The following HOOK3 variants were observed in gnomAD, a reference collection of about 807,000 sequenced individuals.
HOOK3 encodes the protein hook microtubule tethering protein 3, also known as protein Hook homolog 3.
In HOOK3, 24 loss-of-function variants were observed where a neutral mutation model predicts 116.3. The observed-to-expected ratio is 0.21, with a 90% CI of 0.15 to 0.29. HOOK3 has a LOEUF of 0.29. Ranked by LOEUF, HOOK3 falls within the 10% of genes least tolerant of loss-of-function variation. HOOK3 has a pLI of 1.00. For synonymous variants in HOOK3, 275 were observed against 283.0 expected, an observed-to-expected ratio of 0.97 and a Z score of 0.28; for missense variants, 632 against 830.2, an observed-to-expected ratio of 0.76 and a Z score of 2.93.
Position 43,024,475 on chromosome 8 carries a change from A to G in HOOK3, c.*5977A>G, listed in dbSNP as rs1265796779. On this transcript the variant is annotated 3_prime_UTR_variant, in exon 22 of 22. Coordinates refer to ENST00000307602, the MANE Select transcript of HOOK3 (RefSeq NM_032410.4). ...TTCAATAAGGATAATCTCTCTTCCT[A>G]TCATTCTGTCAAAATGGCAGTTTCT... 1.1e-5 allele frequency: 2 copies of G among 186,388 alleles called. No homozygotes were observed. Among genetic ancestry groups the G allele is most frequent in the Non-Finnish European group, 2.3e-5 (2 of 88,214 alleles). 11.5% of individuals were successfully genotyped at this position (186,388 alleles called of 1,614,324 possible).
chr8:42,981,432 T>C (rs1408580723), intron 13 of HOOK3, among the ~76,000 whole-genome samples: 2 of 152,190 alleles, frequency 1.3e-5, no homozygotes, highest in African/African-American at 4.8e-5. Flanking sequence ...ACACCTTTCT[T>C]GTGTATGTAT....
chr8:43,027,374 C>A lies in HOOK3; in HGVS notation c.*8876C>A. On this transcript the variant is annotated 3_prime_UTR_variant, in exon 22 of 22. Coordinates refer to ENST00000307602, the MANE Select transcript of HOOK3 (RefSeq NM_032410.4). Reference sequence around the variant, plus strand: ...ACATAAATATGGACACAATTACTGCCAAAGAATAGAGAGATTTGCTTATGA... The same window carrying A: ...ACATAAATATGGACACAATTACTGCAAAAGAATAGAGAGATTTGCTTATGA... The A allele has an allele frequency of 2.5e-6, 1 of 393,260 alleles. No homozygotes were observed. Among genetic ancestry groups the A allele is most frequent in the Non-Finnish European group, 4.9e-6 (1 of 203,396 alleles). 24.4% of individuals were successfully genotyped at this position (393,260 alleles called of 1,614,324 possible). A position where few individuals can be genotyped will look rare whatever the true frequency, so the allele number is the denominator to read the frequency against.
rs185596137 is a variant in HOOK3, at chr8:42,952,455, A to G, written c.468+2000A>G. Reference sequence around the variant, plus strand: ...TATCCAGATTCTTTGTTGGGGTTTCATTACATGGGTATGTTTGATTGAATC... The same window carrying G: ...TATCCAGATTCTTTGTTGGGGTTTCGTTACATGGGTATGTTTGATTGAATC... On this transcript the variant is annotated intron_variant, in intron 6 of 21. Transcript: ENST00000307602. 3.3e-5 allele frequency among the ~76,000 whole-genome samples: 5 copies of G among 152,320 alleles called. No homozygotes were observed. In the East Asian group the frequency reaches 5.8e-4, roughly 18 times the overall value.
chr8:42,986,786 C>CAG lies in HOOK3; in HGVS notation c.1527_1528dup (p.Asn510ArgfsTer5). Reference sequence around the variant, plus strand: ...AATCTACGCAAGAATGAACTGGAGACAGAGAATAGGTAGAGTATTATAGGT... The same window carrying CAG: ...AATCTACGCAAGAATGAACTGGAGACAGAGAGAATAGGTAGAGTATTATAGGT... On this transcript the variant is annotated frameshift_variant, in exon 15 of 22. Transcript: ENST00000307602. LOFTEE classifies it high-confidence loss of function. The CAG allele has an allele frequency of 6.2e-7, 1 of 1,613,210 alleles. No homozygotes were observed. The highest frequency in any genetic ancestry group is 8.5e-7 in the Non-Finnish European group (1 of 1,179,652).
At chr8:42,903,546 G>A (rs923950905) in intron 1 of HOOK3, among the ~76,000 whole-genome samples, 12 of 149,802 alleles carry the variant, frequency 8.0e-5, no homozygotes, top group African/African-American at 2.9e-4. Flanking sequence ...GGGTTTCACC[G>A]TGTTGGCCAG....
At chr8:42,901,439 T>C (rs1430399955) in intron 1 of HOOK3, among the ~76,000 whole-genome samples, 4 of 152,212 alleles carry the variant, frequency 2.6e-5, no homozygotes, top group Non-Finnish European at 5.9e-5. Context: ...TTTTAAAGTG[T>C]ATAATTTTTT....
chr8:42,960,393 G>A (rs944167621), intron 8 of HOOK3, among the ~76,000 whole-genome samples: 1 of 152,182 alleles, frequency 6.6e-6, no homozygotes, highest in Non-Finnish European at 1.5e-5. Flanking sequence ...GAGAGGTTAT[G>A]AGAAGAGAAG....
In HOOK3 at chr8:43,018,724, A is replaced by G; in HGVS notation, c.*226A>G. 2.4e-6 allele frequency: 1 copy of G among 421,298 alleles called. No individual in the cohort carries two copies. Among genetic ancestry groups the G allele is most frequent in the Non-Finnish European group, 4.2e-6 (1 of 239,220 alleles). 26.1% of individuals were successfully genotyped at this position (421,298 alleles called of 1,614,324 possible). On this transcript the variant is annotated 3_prime_UTR_variant, in exon 22 of 22. Transcript: ENST00000307602. Reference sequence around the variant, plus strand: ...TATTTTTAATGTGCCAAAAATTTGTACATGTTCAATTAAAAATGTTGTATA... The same window carrying G: ...TATTTTTAATGTGCCAAAAATTTGTGCATGTTCAATTAAAAATGTTGTATA...
chr8:42,982,819 G>C (rs2130446973), intron 14 of HOOK3, 123 bp downstream of exon 14: 1 of 661,192 alleles, frequency 1.5e-6, no homozygotes, highest in African/African-American at 1.8e-5. Flanking sequence ...CATGAACTCA[G>C]TGTTAAATTT....
intron 9 of HOOK3, among the ~76,000 whole-genome samples, chr8:42,965,241 C>A (rs1808611442): frequency 6.6e-6 from 1 of 152,174 alleles, no homozygotes; most frequent in Non-Finnish European, 1.5e-5. Context: ...ATAAGCACAT[C>A]TTCGGGAAGG....
intron 8 of HOOK3, among the ~76,000 whole-genome samples, chr8:42,962,056 G>A (rs1249952994): frequency 6.6e-6 from 1 of 151,696 alleles, no homozygotes; most frequent in African/African-American, 2.4e-5. Flanking sequence ...CAAAGTGCTG[G>A]GATTACAGGT....
intron 1 of HOOK3, among the ~76,000 whole-genome samples, chr8:42,900,240 A>C (rs1807157600): frequency 6.6e-6 from 1 of 152,172 alleles, no homozygotes; most frequent in African/African-American, 2.4e-5. Context: ...CATGCTTGAA[A>C]ATTTCCACTG....
In HOOK3 at chr8:42,897,226, C is replaced by A. The variant is rs1807012655; in HGVS notation, c.57+38C>A. On this transcript the variant is annotated intron_variant, in intron 1 of 21. Coordinates refer to ENST00000307602, the MANE Select transcript of HOOK3 (RefSeq NM_032410.4). ...CGCGGGCCGGCGGGAAGACCCCCTCCCCCCGCCACCTACCGGGACCCTCCA... is the reference window on the plus strand; with the variant it reads ...CGCGGGCCGGCGGGAAGACCCCCTCACCCCGCCACCTACCGGGACCCTCCA... The A allele has an allele frequency of 8.3e-6, 10 of 1,208,826 alleles. No individual in the cohort carries two copies. The South Asian group carries it at 1.3e-4, about 15-fold the overall frequency. 74.9% of individuals were successfully genotyped at this position (1,208,826 alleles called of 1,614,324 possible). A position where few individuals can be genotyped will look rare whatever the true frequency, so the allele number is the denominator to read the frequency against.
chr8:42,999,170 G>A (rs545843356), intron 16 of HOOK3, among the ~76,000 whole-genome samples: 6 of 152,118 alleles, frequency 3.9e-5, no homozygotes, highest in Non-Finnish European at 5.9e-5. Context: ...ATAAATAAAA[G>A]CATTTATTCT....
intron 4 of HOOK3, among the ~76,000 whole-genome samples, chr8:42,931,245 C>G (rs899497511): frequency 3.9e-5 from 6 of 152,224 alleles, no homozygotes; most frequent in Admixed American, 1.3e-4. Flanking sequence ...TCTGTTACCT[C>G]CTTACAGAGA....
intron 17 of HOOK3, among the ~76,000 whole-genome samples, chr8:43,003,939 A>G (rs1237681544): frequency 6.6e-6 from 1 of 152,156 alleles, no homozygotes; most frequent in Non-Finnish European, 1.5e-5. Flanking sequence ...ACACCTGTAA[A>G]CACCCAATTT....
chr8:43,030,052 C>T lies in HOOK3; in HGVS notation c.*11554C>T, dbSNP rs1810001684. The T allele has an allele frequency of 4.7e-6, 1 of 211,878 alleles. No homozygotes were observed. The highest frequency in any genetic ancestry group is 9.5e-6 in the Non-Finnish European group (1 of 104,780). 13.1% of individuals were successfully genotyped at this position (211,878 alleles called of 1,614,324 possible). A position where few individuals can be genotyped will look rare whatever the true frequency, so the allele number is the denominator to read the frequency against. On this transcript the variant is annotated 3_prime_UTR_variant, in exon 22 of 22. Transcript: ENST00000307602. ...ATCCAAAAACAATGTCCACATCAGA[C>T]TTGGAACTTCTCACTTCAAAAATGA...
chr8:42,906,921 A>G (rs1213763420), intron 2 of HOOK3, among the ~76,000 whole-genome samples: 1 of 152,224 alleles, frequency 6.6e-6, no homozygotes, highest in African/African-American at 2.4e-5. Context: ...TCCTAGTTTA[A>G]TATGCATTGT....
chr8:42,927,581 C>T (rs1479364520), intron 3 of HOOK3, among the ~76,000 whole-genome samples: 1 of 152,024 alleles, frequency 6.6e-6, no homozygotes, highest in Non-Finnish European at 1.5e-5. Flanking sequence ...TCTAAACAGT[C>T]TTTCAAGGAC....
Sources: allele counts gnomAD v4.1 joint callset (sites outside exome capture counted in the v4.1 genomes callset), GRCh38; gene constraint gnomAD v4.1.1; transcripts MANE v1.5; gene names NCBI Gene and HGNC (gene_info 2026-07-23, HGNC 2026-07-21).